Variants in HS3ST3A1 observed in about 807,000 individuals in gnomAD.
HS3ST3A1 encodes heparan sulfate glucosamine 3-O-sulfotransferase 3A1.
In HS3ST3A1, 19 loss-of-function variants were observed where a neutral mutation model predicts 25.7. The ratio of observed to expected loss-of-function variants is 0.74; its 90% CI spans 0.52 to 1.08. HS3ST3A1 has a LOEUF of 1.08. Among genes scored for constraint, HS3ST3A1 ranks in the 50% least tolerant of loss-of-function variants. The pLI is 0.00. For synonymous variants in HS3ST3A1, 226 were observed against 278.6 expected (o/e 0.81, Z 1.88); for missense variants, 459 against 594.3 (o/e 0.77, Z 2.37).
chr17:13,543,731 G>A (rs1907003169), intron 1 of HS3ST3A1: 1 of 154,322 alleles, frequency 6.5e-6, no homozygotes, highest in South Asian at 2.0e-4. Flanking sequence ...TGATAAAAAA[G>A]GAATTTTTAA....
chr17:13,526,797 G>A (rs1906445714), intron 1 of HS3ST3A1, among the ~76,000 whole-genome samples: 1 of 151,828 alleles, frequency 6.6e-6, no homozygotes, highest in African/African-American at 2.4e-5. Flanking sequence ...ACAGGCATGT[G>A]CCACCACGCC....
intron 1 of HS3ST3A1, among the ~76,000 whole-genome samples, chr17:13,505,522 T>C (rs889746155): frequency 4.6e-5 from 7 of 151,642 alleles, no homozygotes; most frequent in African/African-American, 1.7e-4. Flanking sequence ...GCTCGAGGAG[T>C]TAAAGACCAG....
chr17:13,588,787 C>T (rs1385088992), intron 1 of HS3ST3A1, among the ~76,000 whole-genome samples: 1 of 151,914 alleles, frequency 6.6e-6, no homozygotes, highest in Admixed American at 6.6e-5. Context: ...GGGTTCACGG[C>T]ATTCTCCTGC....
intron 1 of HS3ST3A1, among the ~76,000 whole-genome samples, chr17:13,594,339 C>G (rs1908517419): frequency 6.6e-6 from 1 of 152,168 alleles, no homozygotes; most frequent in Admixed American, 6.5e-5. Context: ...CTCCCAGGCC[C>G]TGGACTGCAG....
chr17:13,568,564 T>C (rs1049416760), intron 1 of HS3ST3A1, among the ~76,000 whole-genome samples: 1 of 152,244 alleles, frequency 6.6e-6, no homozygotes, highest in African/African-American at 2.4e-5. Context: ...TCATAATAAT[T>C]TTAATATTTT....
chr17:13,585,190 T>C (rs1311247955), intron 1 of HS3ST3A1, among the ~76,000 whole-genome samples: 1 of 86,898 alleles, frequency 1.2e-5, no homozygotes, highest in Admixed American at 1.3e-4. Flanking sequence ...TCTGTGCTTT[T>C]TTTTTTTTTT....
chr17:13,549,132 C>T (rs753902226), intron 1 of HS3ST3A1, among the ~76,000 whole-genome samples: 3 of 152,208 alleles, frequency 2.0e-5, no homozygotes, highest in Non-Finnish European at 4.4e-5. Flanking sequence ...GGGTCTGCAG[C>T]TTCATTCCTG....
chr17:13,582,329 C>A (rs759328697), intron 1 of HS3ST3A1, among the ~76,000 whole-genome samples: 1 of 152,176 alleles, frequency 6.6e-6, no homozygotes, highest in Non-Finnish European at 1.5e-5. Flanking sequence ...ACATAAAAGT[C>A]ATATGCCCAA....
chr17:13,541,388 C>T (rs891804614), intron 1 of HS3ST3A1, among the ~76,000 whole-genome samples: 1 of 152,084 alleles, frequency 6.6e-6, no homozygotes, highest in Non-Finnish European at 1.5e-5. Context: ...ATTAAAGACC[C>T]CATTTCCACC....
chr17:13,590,029 A>G (rs1908379251), intron 1 of HS3ST3A1, among the ~76,000 whole-genome samples: 1 of 152,192 alleles, frequency 6.6e-6, no homozygotes, highest in Admixed American at 6.5e-5. Context: ...AAGGGAAAGA[A>G]ATTTTATTCC....
rs1905253999 is a variant in HS3ST3A1, at chr17:13,496,039, T to C, written c.*158A>G. The C allele has an allele frequency of 1.1e-6, 1 of 878,186 alleles. No individual in the cohort carries two copies. Among genetic ancestry groups the C allele is most frequent in the Non-Finnish European group, 1.6e-6 (1 of 606,542 alleles). 54.4% of individuals were successfully genotyped at this position (878,186 alleles called of 1,614,324 possible). On this transcript the variant is annotated 3_prime_UTR_variant, in exon 2 of 2. Transcript: ENST00000284110. ...TGATCCACGTGTTTGGTGTTGGTTA[T>C]ACATTAAGATGGGGCGGGAGTGAGA...
intron 1 of HS3ST3A1, among the ~76,000 whole-genome samples, chr17:13,593,565 T>G (rs1908493485): frequency 1.3e-5 from 2 of 152,106 alleles, no homozygotes; most frequent in African/African-American, 4.8e-5. Context: ...GAGGGGAAGC[T>G]GGTGGGCCCA....
In HS3ST3A1 at chr17:13,496,230, C is replaced by G. The variant is rs1354683238; in HGVS notation, c.1188G>C (p.Gln396His). 1.3e-6 allele frequency: 2 copies of G among 1,599,104 alleles called. No individual in the cohort carries two copies. Among genetic ancestry groups the G allele is most frequent in the Non-Finnish European group, 8.5e-7 (1 of 1,173,270 alleles). The change falls in exon 2 of 2, where the codon CAG becomes CAC. Residue 396 changes from glutamine (Q) to histidine (H), a missense_variant. By Grantham distance (24) the Gln-to-His change is conservative. Around this residue, in one of 3 missense-constraint regions of HS3ST3A1, gnomAD observed 46 missense variants for 59.0 expected, o/e 0.78. Transcript: ENST00000284110. Reference sequence around the variant, plus strand: ...CCCAGCCAAAGTCGTGCCCGGTCATCTGGTAGAACTTGAGGTTGAAAGGCC... The same window carrying G: ...CCCAGCCAAAGTCGTGCCCGGTCATGTGGTAGAACTTGAGGTTGAAAGGCC... ...FYRPFNLKFY[Q>H]MTGHDFGWDG
intron 1 of HS3ST3A1, among the ~76,000 whole-genome samples, chr17:13,521,450 T>C (rs1218552609): frequency 6.6e-6 from 1 of 152,084 alleles, no homozygotes; most frequent in Non-Finnish European, 1.5e-5. Flanking sequence ...TGCTGTTGAG[T>C]TTCAATGCCC....
intron 1 of HS3ST3A1, among the ~76,000 whole-genome samples, chr17:13,557,778 G>C (rs889168590): frequency 6.6e-6 from 1 of 152,216 alleles, no homozygotes; most frequent in Admixed American, 6.5e-5. Context: ...CAGACAGGTT[G>C]AGATCAGAGA....
intron 1 of HS3ST3A1, among the ~76,000 whole-genome samples, chr17:13,574,006 T>C (rs2142375580): frequency 6.6e-6 from 1 of 152,250 alleles, no homozygotes; most frequent in Middle Eastern, 3.4e-3. Context: ...AAATCAGTAT[T>C]TGTTGTTTAA....
chr17:13,570,839 G>A (rs115079271), intron 1 of HS3ST3A1, among the ~76,000 whole-genome samples: 2 of 152,106 alleles, frequency 1.3e-5, no homozygotes, highest in African/African-American at 2.4e-5. Flanking sequence ...GGAGTTTTAG[G>A]TTCCTACGCA....
At chr17:13,537,658 G>A (rs1206927654) in intron 1 of HS3ST3A1, among the ~76,000 whole-genome samples, 1 of 152,188 alleles carries the variant, frequency 6.6e-6, no homozygotes, top group Non-Finnish European at 1.5e-5. Context: ...ACCTTGGGTA[G>A]AAGATTCATT....
chr17:13,549,087 C>CGCACTACCTT (rs1179497975), intron 1 of HS3ST3A1, among the ~76,000 whole-genome samples: 1 of 152,190 alleles, frequency 6.6e-6, no homozygotes, highest in East Asian at 1.9e-4. Flanking sequence ...GCTTTGGGTC[C>CGCACTACCTT]GCACTACCTT....
Sources: allele counts gnomAD v4.1 joint callset (sites outside exome capture counted in the v4.1 genomes callset), GRCh38; gene constraint gnomAD v4.1.1; regional missense constraint gnomAD v4.1.1; transcripts MANE v1.5; gene names NCBI Gene and HGNC (gene_info 2026-07-23, HGNC 2026-07-21).